LRP1B: variants seen among roughly 807,000 people sequenced by gnomAD.
The protein encoded by LRP1B is low-density lipoprotein receptor-related protein 1B.
A neutral mutation model predicts 556.6 loss-of-function variants in LRP1B; 217 were observed. The ratio of observed to expected loss-of-function variants is 0.39; its 90% CI spans 0.35 to 0.44. The LOEUF (loss-of-function observed/expected upper bound fraction) is 0.44. LRP1B is among the 20% of genes least tolerant of loss of function. The pLI is 1.00. For synonymous variants in LRP1B, 2,047 were observed against 1,865.8 expected (o/e 1.10, Z -2.50); for missense variants, 5,053 against 5,620.8 (o/e 0.90, Z 3.23).
chr2:140,841,010 T>C lies in LRP1B; in HGVS notation c.5022A>G (p.Gln1674=), dbSNP rs1480126356. 4 of 1,613,720 alleles carry C rather than the reference T, an allele frequency of 2.5e-6. No individual in the cohort carries two copies. Among genetic ancestry groups the C allele is most frequent in the Non-Finnish European group, 3.4e-6 (4 of 1,179,756 alleles). ...AGCCATCTAGCCTTGCCACATTAAT[T>C]TGCGTTTCATCAAATTCTGAGCTAA... The part of the protein sequence containing the change: ...YWISSEFDET[Q]INVARLDGSL... Residue 1674 remains glutamine (Q), a synonymous_variant, in exon 30 of 91, where the codon CAA becomes CAG. Transcript: ENST00000389484.
At chr2:140,654,215 G>A (rs1264804683) in intron 41 of LRP1B, among the ~76,000 whole-genome samples, 1 of 151,838 alleles carries the variant, frequency 6.6e-6, no homozygotes, top group African/African-American at 2.4e-5. Flanking sequence ...TCTTTACCAT[G>A]CTTTTCTGGA....
chr2:140,763,322 T>A (rs1383077138), intron 35 of LRP1B, among the ~76,000 whole-genome samples: 1 of 151,910 alleles, frequency 6.6e-6, no homozygotes, highest in Non-Finnish European at 1.5e-5. Context: ...TACATTCAAT[T>A]CTGAATGTAC....
At chr2:140,786,430 C>T (rs994963081) in intron 32 of LRP1B, among the ~76,000 whole-genome samples, 2 of 152,134 alleles carry the variant, frequency 1.3e-5, no homozygotes, top group Non-Finnish European at 2.9e-5. Flanking sequence ...AAATCAGGAA[C>T]GCCCCTCCAC....
intron 7 of LRP1B, among the ~76,000 whole-genome samples, chr2:141,109,665 G>GAAAAAA (rs1406235066): frequency 2.0e-5 from 1 of 48,990 alleles, no homozygotes; most frequent in African/African-American, 5.3e-5. Context: ...CTACAACCTT[G>GAAAAAA]CAAAAAAAAA....
At chr2:141,158,402 GA>G (rs1199995581) in intron 7 of LRP1B, among the ~76,000 whole-genome samples, 2 of 152,142 alleles carry the variant, frequency 1.3e-5, no homozygotes, top group East Asian at 3.9e-4. Context: ...TAAGTGCATA[GA>G]AAAGGTGAAA....
chr2:140,394,923 G>A (rs1684185488), intron 66 of LRP1B, among the ~76,000 whole-genome samples: 1 of 152,030 alleles, frequency 6.6e-6, no homozygotes, highest in Non-Finnish European at 1.5e-5. Flanking sequence ...CACCAACAGA[G>A]TAAAGACATA....
intron 1 of LRP1B, among the ~76,000 whole-genome samples, chr2:141,838,338 G>C (rs1309529742): frequency 6.6e-6 from 1 of 152,054 alleles, no homozygotes; most frequent in Non-Finnish European, 1.5e-5. Context: ...GCATTAACCT[G>C]GTGAATTGAT....
intron 5 of LRP1B, among the ~76,000 whole-genome samples, chr2:141,239,081 T>A (rs1683766333): frequency 6.6e-6 from 1 of 152,032 alleles, no homozygotes; most frequent in Non-Finnish European, 1.5e-5. Flanking sequence ...TAAAAAGATG[T>A]CTAAAGGACT....
intron 2 of LRP1B, among the ~76,000 whole-genome samples, chr2:141,732,821 G>A (rs1410631287): frequency 2.6e-5 from 4 of 152,100 alleles, no homozygotes; most frequent in Non-Finnish European, 5.9e-5. Context: ...TATAAGTTTA[G>A]TTGTAACTTG....
chr2:141,221,366 G>C (rs300394), intron 6 of LRP1B, among the ~76,000 whole-genome samples: 16,596 of 150,740 alleles, frequency 0.11, 1,047 homozygotes, highest in South Asian at 0.19. Flanking sequence ...CTAACTTTCT[G>C]AAATATATAT....
chr2:140,234,871 C>T lies in LRP1B; in HGVS notation c.13574G>A (p.Gly4525Glu), dbSNP rs143263597. 5.4e-4 allele frequency: 419 copies of T among 774,976 alleles called. 1 individual carries two copies. The highest frequency in any genetic ancestry group is 8.6e-4 in the Non-Finnish European group (356 of 414,522). 48.0% of individuals were successfully genotyped at this position (774,976 alleles called of 1,614,324 possible). A position where few individuals can be genotyped will look rare whatever the true frequency, so the allele number is the denominator to read the frequency against. The change falls in exon 90 of 91, where the codon GGG becomes GAG. Residue 4525 changes from glycine to glutamate, a missense_variant. Gly to Glu is a moderately conservative substitution (Grantham distance 98). Transcript: ENST00000389484. The part of the protein sequence containing the change: ...MIDPTKARYI[G>E]GGPSAFKLPH... ...AAGCTTGAAAGCACTGGGTCCTCCC[C>T]CTATGTACCTGGCCTGTATATAAAC...
At chr2:141,968,256 G>A (rs1416391494) in intron 1 of LRP1B, among the ~76,000 whole-genome samples, 1 of 151,790 alleles carries the variant, frequency 6.6e-6, no homozygotes, top group African/African-American at 2.4e-5. Flanking sequence ...TTACACAAAT[G>A]TCTTTCTCTT....
chr2:140,956,558 TC>T (rs1385882186), intron 18 of LRP1B, among the ~76,000 whole-genome samples: 2 of 151,774 alleles, frequency 1.3e-5, no homozygotes, highest in Non-Finnish European at 1.5e-5. Flanking sequence ...ACATTACATT[TC>T]TAGATATTGA....
intron 1 of LRP1B, among the ~76,000 whole-genome samples, chr2:141,900,052 T>C (rs922514414): frequency 1.3e-5 from 2 of 152,052 alleles, no homozygotes; most frequent in Non-Finnish European, 2.9e-5. Flanking sequence ...GTGTGACATA[T>C]AGTTTCCTGT....
intron 2 of LRP1B, among the ~76,000 whole-genome samples, chr2:141,668,229 CT>C (rs915612730): frequency 2.6e-5 from 4 of 152,138 alleles, no homozygotes; most frequent in African/African-American, 9.7e-5. Context: ...GTCCTCACCC[CT>C]CTTCTAGCTT....
intron 35 of LRP1B, among the ~76,000 whole-genome samples, chr2:140,733,709 T>C (rs1414564921): frequency 1.3e-5 from 2 of 152,162 alleles, no homozygotes; most frequent in African/African-American, 4.8e-5. Flanking sequence ...CTTCTGAGGA[T>C]AGGCGGGCAG....
At chr2:141,881,489 T>C (rs1698955969) in intron 1 of LRP1B, among the ~76,000 whole-genome samples, 1 of 152,092 alleles carries the variant, frequency 6.6e-6, no homozygotes, top group Admixed American at 6.6e-5. Flanking sequence ...GTTGTGAATG[T>C]TTGCCTCTGG....
intron 3 of LRP1B, among the ~76,000 whole-genome samples, chr2:141,405,724 A>T (rs1214061286): frequency 6.6e-6 from 1 of 152,146 alleles, no homozygotes; most frequent in Non-Finnish European, 1.5e-5. Flanking sequence ...GCCTAAAAGT[A>T]TAGAATATAA....
intron 7 of LRP1B, among the ~76,000 whole-genome samples, chr2:141,128,849 A>C (rs537203180): frequency 1.3e-4 from 20 of 152,336 alleles, no homozygotes; most frequent in African/African-American, 4.8e-4. Context: ...ATGTATTCCT[A>C]TTAATATTAG....
Sources: gnomAD v4.1 joint callset for allele counts (sites outside exome capture counted in the v4.1 genomes callset) on GRCh38, gnomAD v4.1.1 for gene constraint, MANE v1.5 for transcripts, NCBI Gene and HGNC (gene_info 2026-07-23, HGNC 2026-07-21) for gene names.